The following BTRC variants were observed in gnomAD, a reference collection of about 807,000 sequenced individuals.
BTRC encodes the protein beta-transducin repeat containing E3 ubiquitin protein ligase.
A neutral mutation model predicts 85.5 loss-of-function variants in BTRC; 42 were observed. That is an observed-to-expected ratio of 0.49 (90% CI 0.38 to 0.64). The LOEUF (loss-of-function observed/expected upper bound fraction) is 0.64, where lower values mean the gene tolerates loss of function less well. BTRC is among the 30% of genes least tolerant of loss of function. BTRC has a pLI of 0.00. For synonymous variants in BTRC, 255 were observed against 263.3 expected (o/e 0.97, Z 0.30); for missense variants, 594 against 743.5 (o/e 0.80, Z 2.34).
At chr10:101,373,015 AT>A (rs1363825619) in intron 1 of BTRC, among the ~76,000 whole-genome samples, 1 of 152,130 alleles carries the variant, frequency 6.6e-6, no homozygotes, top group Non-Finnish European at 1.5e-5. Context: ...CTTTCCATTT[AT>A]TTAGGTTTGA....
chr10:101,506,828 G>A (rs12413496), intron 4 of BTRC, among the ~76,000 whole-genome samples: 1,564 of 152,278 alleles, frequency 0.01, 20 homozygotes, highest in Admixed American at 0.049. Context: ...TATGTAGTTA[G>A]TGAATGCTTT....
At chr10:101,475,952 T>TATATATATATATATATATTC in intron 3 of BTRC, among the ~76,000 whole-genome samples, 1 of 138,400 alleles carries the variant, frequency 7.2e-6, no homozygotes, top group Non-Finnish European at 1.5e-5. Flanking sequence ...TATATATATA[T>TATATATATATATATATATTC]ATTCAGTAAT....
At chr10:101,393,358 T>C (rs1379943745) in intron 1 of BTRC, among the ~76,000 whole-genome samples, 2 of 152,288 alleles carry the variant, frequency 1.3e-5, no homozygotes, top group South Asian at 2.1e-4. Flanking sequence ...GAGGGGATCA[T>C]GGTAACCCCA....
At chr10:101,354,534 A>G (rs1445153709) in intron 1 of BTRC, 3 of 419,498 alleles carry the variant, frequency 7.2e-6, no homozygotes, top group African/African-American at 4.2e-5. Flanking sequence ...GGGGACTGTT[A>G]CTGAAAAGCG....
intron 3 of BTRC, among the ~76,000 whole-genome samples, chr10:101,471,485 A>AT (rs1339454917): frequency 6.6e-6 from 1 of 152,054 alleles, no homozygotes; most frequent in Non-Finnish European, 1.5e-5. Context: ...AATTACCTTG[A>AT]TTTTTGTTAA....
At chr10:101,396,523 T>C (rs1326748740) in intron 1 of BTRC, among the ~76,000 whole-genome samples, 1 of 151,778 alleles carries the variant, frequency 6.6e-6, no homozygotes, top group Non-Finnish European at 1.5e-5. Flanking sequence ...TACTCACTTG[T>C]TCTGTGGTAC....
intron 13 of BTRC, 72 bp downstream of exon 13, chr10:101,538,443 A>G: frequency 7.3e-7 from 1 of 1,368,936 alleles, no homozygotes; most frequent in Non-Finnish European, 1.0e-6. Flanking sequence ...TGTGCTGTGG[A>G]ATATGGATTT....
chr10:101,492,757 T>A (rs775620131), intron 4 of BTRC, among the ~76,000 whole-genome samples: 36 of 152,164 alleles, frequency 2.4e-4, no homozygotes, highest in Non-Finnish European at 3.5e-4. Flanking sequence ...TTACGAAAGA[T>A]GGAGTATAGA....
chr10:101,367,023 T>TA (rs1564730803), intron 1 of BTRC, among the ~76,000 whole-genome samples: 4 of 65,772 alleles, frequency 6.1e-5, no homozygotes, highest in Non-Finnish European at 9.3e-5. Context: ...TATATTTATA[T>TA]TTATATATTT....
intron 1 of BTRC, among the ~76,000 whole-genome samples, chr10:101,403,479 C>A (rs1423589652): frequency 6.6e-6 from 1 of 152,156 alleles, no homozygotes; most frequent in Non-Finnish European, 1.5e-5. Context: ...GCCTATATGG[C>A]CATAAGGGAT....
chr10:101,520,531 A>G (rs1281106862), intron 4 of BTRC, among the ~76,000 whole-genome samples: 1 of 152,214 alleles, frequency 6.6e-6, no homozygotes, highest in Non-Finnish European at 1.5e-5. Context: ...GAAATACGGA[A>G]TATTTTATGT....
At chr10:101,523,122 T>G (rs936606262) in intron 5 of BTRC, among the ~76,000 whole-genome samples, 1 of 152,112 alleles carries the variant, frequency 6.6e-6, no homozygotes, top group African/African-American at 2.4e-5. Context: ...GAGAATCGCT[T>G]GAACCCAGGA....
intron 1 of BTRC, among the ~76,000 whole-genome samples, chr10:101,427,570 C>T (rs999678006): frequency 6.6e-6 from 1 of 151,042 alleles, no homozygotes. Context: ...CTTTGTTGCC[C>T]AGGCTGGTGT....
chr10:101,419,073 C>T (rs1005504609), intron 1 of BTRC, among the ~76,000 whole-genome samples: 3 of 151,104 alleles, frequency 2.0e-5, no homozygotes, highest in Non-Finnish European at 2.9e-5. Flanking sequence ...TGCAGTGGCA[C>T]GATCTTGGCT....
Position 101,556,062 on chromosome 10 carries a change from G to GGTGTCTCCTAACT in BTRC, c.*2940_*2952dup, listed in dbSNP as rs2062720243. 1 of 152,122 alleles carries GGTGTCTCCTAACT rather than the reference G, an allele frequency of 6.6e-6. No individual in the cohort carries two copies. Among genetic ancestry groups the GGTGTCTCCTAACT allele is most frequent in the African/African-American group, 2.4e-5 (1 of 41,410 alleles). 9.4% of individuals were successfully genotyped at this position (152,122 alleles called of 1,614,324 possible). The stretch of plus-strand genomic sequence containing the variant: ...CATGTCCCTTGGCAAAATTCTTTCT[G>GGTGTCTCCTAACT]GTGTCTCCTAACTTCAGAGACAGGG... On this transcript the variant is annotated 3_prime_UTR_variant, in exon 15 of 15. Transcript: ENST00000370187.
chr10:101,415,565 G>T (rs1450894041), intron 1 of BTRC, among the ~76,000 whole-genome samples: 1 of 140,266 alleles, frequency 7.1e-6, no homozygotes, highest in African/African-American at 2.8e-5. Flanking sequence ...TTTTGAGACA[G>T]AGTTTCACTC....
intron 1 of BTRC, among the ~76,000 whole-genome samples, chr10:101,369,197 T>C (rs961842390): frequency 1.3e-5 from 2 of 152,098 alleles, no homozygotes; most frequent in East Asian, 3.8e-4. Context: ...CTTGGCCTTT[T>C]TTCCCCTATT....
chr10:101,514,931 T>G (rs992295147), intron 4 of BTRC, among the ~76,000 whole-genome samples: 1 of 152,092 alleles, frequency 6.6e-6, no homozygotes, highest in African/African-American at 2.4e-5. Flanking sequence ...TTTCAAAGGG[T>G]TTTGTGGTTT....
intron 1 of BTRC, among the ~76,000 whole-genome samples, chr10:101,375,601 A>G (rs1463244735): frequency 2.0e-5 from 3 of 152,250 alleles, no homozygotes; most frequent in Non-Finnish European, 4.4e-5. Flanking sequence ...AGTGAATACT[A>G]GAAACAGGTA....
Sources: gnomAD v4.1 joint callset for allele counts (sites outside exome capture counted in the v4.1 genomes callset) on GRCh38, gnomAD v4.1.1 for gene constraint, MANE v1.5 for transcripts, NCBI Gene and HGNC (gene_info 2026-07-23, HGNC 2026-07-21) for gene names.